CACNB4: variants seen among roughly 807,000 people sequenced by gnomAD.
CACNB4 encodes calcium voltage-gated channel auxiliary subunit beta 4.
In CACNB4, 32 loss-of-function variants were observed where a neutral mutation model predicts 71.2. The observed-to-expected ratio is 0.45, with a 90% CI of 0.34 to 0.60. The LOEUF is 0.60. CACNB4 is among the 20% of genes least tolerant of loss of function. The probability of loss-of-function intolerance (pLI) is 0.01; values close to 1 mark genes in which losing one functional copy is unlikely to be tolerated. For missense variants in CACNB4, 464 were observed against 647.9 expected, an observed-to-expected ratio of 0.72 and a Z score of 3.08; for synonymous variants, 231 against 236.9, an observed-to-expected ratio of 0.97 and a Z score of 0.23.
intron 2 of CACNB4, among the ~76,000 whole-genome samples, chr2:152,035,834 C>T (rs991901184): frequency 2.6e-5 from 4 of 152,096 alleles, no homozygotes; most frequent in Non-Finnish European, 5.9e-5. Flanking sequence ...GATTTTTAAA[C>T]TCCATCATAT....
intron 2 of CACNB4, among the ~76,000 whole-genome samples, chr2:152,044,259 C>T (rs570229542): frequency 1.3e-5 from 2 of 152,230 alleles, no homozygotes; most frequent in East Asian, 1.9e-4. Flanking sequence ...CTTGCTCTGT[C>T]GCCCAGGTTG....
intron 2 of CACNB4, among the ~76,000 whole-genome samples, chr2:151,924,582 T>G (rs1236987548): frequency 1.3e-5 from 2 of 151,916 alleles, no homozygotes; most frequent in Admixed American, 1.3e-4. Context: ...ATAATATGTA[T>G]ATATTACACC....
chr2:152,029,189 C>G (rs1219085712), intron 2 of CACNB4, among the ~76,000 whole-genome samples: 1 of 152,020 alleles, frequency 6.6e-6, no homozygotes, highest in East Asian at 1.9e-4. Flanking sequence ...GATTAGGGTT[C>G]TTATAAGAAA....
chr2:152,021,975 T>A (rs1226812561), intron 2 of CACNB4, among the ~76,000 whole-genome samples: 1 of 152,170 alleles, frequency 6.6e-6, no homozygotes, highest in Non-Finnish European at 1.5e-5. Context: ...AGTATAAGCG[T>A]CTAATCTTTA....
chr2:152,064,042 A>T (rs1006144041), intron 2 of CACNB4, among the ~76,000 whole-genome samples: 1 of 152,240 alleles, frequency 6.6e-6, no homozygotes, highest in Non-Finnish European at 1.5e-5. Context: ...CAGTCTTGTG[A>T]ATGATAGAGT....
chr2:151,998,306 C>T (rs1488161274), intron 2 of CACNB4, among the ~76,000 whole-genome samples: 1 of 119,446 alleles, frequency 8.4e-6, no homozygotes, highest in Non-Finnish European at 1.6e-5. Flanking sequence ...GCCTGGGCAA[C>T]TCCATCTCCA....
At chr2:152,074,245 AC>A (rs972580928) in intron 2 of CACNB4, among the ~76,000 whole-genome samples, 3 of 150,886 alleles carry the variant, frequency 2.0e-5, no homozygotes, top group African/African-American at 4.9e-5. Context: ...TACCATCAGC[AC>A]CCCCCCATTT....
rs752548699 is a variant in CACNB4, at chr2:151,973,434, T to A, written c.148-90064A>T. 4.1e-4 allele frequency: 230 copies of A among 555,618 alleles called. 1 individual carries two copies. Among genetic ancestry groups the A allele is most frequent in the Non-Finnish European group, 6.7e-5 (21 of 312,754 alleles). 34.4% of individuals were successfully genotyped at this position (555,618 alleles called of 1,614,324 possible). On this transcript the variant is annotated intron_variant, in intron 2 of 13. Transcript: ENST00000539935. ...ATGTATAAATTCAAACAGCCTACAC[T>A]CTTGAATGCTTTGCCATCACCCTAA...
chr2:152,075,461 G>A (rs1686957700), intron 2 of CACNB4, among the ~76,000 whole-genome samples: 1 of 152,216 alleles, frequency 6.6e-6, no homozygotes, highest in African/African-American at 2.4e-5. Context: ...GCTGTACAGA[G>A]GCTGTGACAT....
At chr2:152,022,936 T>C (rs1357104323) in intron 2 of CACNB4, among the ~76,000 whole-genome samples, 1 of 152,166 alleles carries the variant, frequency 6.6e-6, no homozygotes, top group Non-Finnish European at 1.5e-5. Flanking sequence ...AAGGAACATA[T>C]TAGTCTGTTT....
At chr2:151,934,015 G>A (rs572642952) in intron 2 of CACNB4, among the ~76,000 whole-genome samples, 1 of 145,532 alleles carries the variant, frequency 6.9e-6, no homozygotes, top group Admixed American at 6.9e-5. Flanking sequence ...GTTATAAGGT[G>A]CCTGAGAAGG....
chr2:151,937,502 A>T (rs2099863206), intron 2 of CACNB4, among the ~76,000 whole-genome samples: 2 of 152,190 alleles, frequency 1.3e-5, no homozygotes, highest in African/African-American at 4.8e-5. Flanking sequence ...CAGTTTATTT[A>T]TATTTGACAT....
chr2:152,031,186 C>T (rs552573440), intron 2 of CACNB4, among the ~76,000 whole-genome samples: 13 of 152,154 alleles, frequency 8.5e-5, no homozygotes, highest in Admixed American at 4.6e-4. Flanking sequence ...TCAGTTTTAG[C>T]ACCTAATATT....
chr2:151,870,422 G>T, intron 8 of CACNB4, 109 bp downstream of exon 8: 1 of 869,144 alleles, frequency 1.2e-6, no homozygotes. Flanking sequence ...GCTGAGCACT[G>T]GCTTCCATCA....
intron 2 of CACNB4, among the ~76,000 whole-genome samples, chr2:152,023,092 G>C (rs1683764235): frequency 6.6e-6 from 1 of 151,786 alleles, no homozygotes; most frequent in Non-Finnish European, 1.5e-5. Flanking sequence ...CATGGTGACA[G>C]GTGCAGGGGG....
intron 9 of CACNB4, chr2:151,866,172 T>C (rs2099843057): frequency 6.6e-6 from 1 of 152,220 alleles, no homozygotes; most frequent in Non-Finnish European, 1.5e-5. Context: ...AGCTCTAAAC[T>C]GACTCAAATA....
At chr2:151,839,751 G>T (rs1352534938) in intron 13 of CACNB4, among the ~76,000 whole-genome samples, 1 of 152,154 alleles carries the variant, frequency 6.6e-6, no homozygotes, top group Non-Finnish European at 1.5e-5. Flanking sequence ...GTTCAGAATA[G>T]CATTTATTAT....
chr2:152,011,614 A>G (rs1204695277), intron 2 of CACNB4, among the ~76,000 whole-genome samples: 2 of 152,026 alleles, frequency 1.3e-5, no homozygotes, highest in Non-Finnish European at 2.9e-5. Flanking sequence ...CCCCTAATAA[A>G]TGTTTTTGAC....
intron 2 of CACNB4, among the ~76,000 whole-genome samples, chr2:152,047,925 A>G (rs1392179074): frequency 1.3e-5 from 2 of 152,072 alleles, no homozygotes; most frequent in Non-Finnish European, 2.9e-5. Context: ...AAAACAAAAC[A>G]TCTCTTGCTT....
Sources: gnomAD v4.1 joint callset for allele counts (sites outside exome capture counted in the v4.1 genomes callset) on GRCh38, gnomAD v4.1.1 for gene constraint, MANE v1.5 for transcripts, NCBI Gene and HGNC (gene_info 2026-07-23, HGNC 2026-07-21) for gene names.